The following MGMT variants were observed in gnomAD, a reference collection of about 807,000 sequenced individuals.
MGMT encodes the protein methylated-DNA--protein-cysteine methyltransferase.
MGMT carries 14 observed loss-of-function variants against 15.9 expected under a neutral mutation model. The observed-to-expected ratio is 0.88, with a 90% CI of 0.58 to 1.37. The LOEUF is 1.37. MGMT is among the 40% of genes most tolerant of loss of function. The pLI is 0.00. For synonymous variants in MGMT, 130 were observed against 118.2 expected (o/e 1.10, Z -0.65); for missense variants, 282 against 268.1 (o/e 1.05, Z -0.36).
chr10:129,743,851 C>T (rs1848665227), intron 3 of MGMT, among the ~76,000 whole-genome samples: 1 of 152,238 alleles, frequency 6.6e-6, no homozygotes, highest in South Asian at 2.1e-4. Context: ...AGATGGTCAT[C>T]CTAATGGCGG....
At chr10:129,727,918 A>G (rs12220901) in intron 3 of MGMT, among the ~76,000 whole-genome samples, 82,928 of 152,032 alleles carry the variant, frequency 0.55, 22,958 homozygotes, top group Middle Eastern at 0.72. Flanking sequence ...GAAACAACAT[A>G]GACTGAGGCT....
intron 3 of MGMT, among the ~76,000 whole-genome samples, chr10:129,720,095 A>C (rs942162290): frequency 1.3e-5 from 2 of 152,206 alleles, no homozygotes; most frequent in Non-Finnish European, 2.9e-5. Flanking sequence ...TACGAGTTAC[A>C]GGAAGTGTGG....
rs1224498618 is a variant in MGMT at position 129,532,992 on chromosome 10, C to G, written c.-12-3249C>G. ...GACACTGGCACATGTTGGCAGGCGTCAGCACCAGGGCTGGGCTCCTGCCTG... is the reference window on the plus strand; with the variant it reads ...GACACTGGCACATGTTGGCAGGCGTGAGCACCAGGGCTGGGCTCCTGCCTG... On this transcript the variant is annotated intron_variant, in intron 1 of 4. Transcript: ENST00000651593. The surrounding 1 kb of genome is among the most constrained non-coding windows in gnomAD (Gnocchi z 5.3). Among the ~76,000 whole-genome samples the G allele has an allele frequency of 6.6e-6, 1 of 152,236 alleles. No individual in the cohort carries two copies. Among genetic ancestry groups the G allele is most frequent in the African/African-American group, 2.4e-5 (1 of 41,466 alleles).
intron 1 of MGMT, among the ~76,000 whole-genome samples, chr10:129,484,937 A>G (rs1198716284): frequency 1.3e-5 from 2 of 151,802 alleles, no homozygotes; most frequent in East Asian, 3.9e-4. Flanking sequence ...TATTATATAT[A>G]TGTATGTGTG....
chr10:129,518,376 T>A (rs1371631668), intron 1 of MGMT, among the ~76,000 whole-genome samples: 1 of 106,998 alleles, frequency 9.3e-6, no homozygotes, highest in East Asian at 3.5e-4. Flanking sequence ...ACACACACAT[T>A]TGGCCCTTGG....
intron 2 of MGMT, among the ~76,000 whole-genome samples, chr10:129,687,237 T>TA (rs59179668): frequency 0.57 from 86,770 of 151,892 alleles, 26,138 homozygotes; most frequent in African/African-American, 0.76. Flanking sequence ...GATGAACTTT[T>TA]ATTTCATTTT....
At chr10:129,584,978 C>G (rs1327825802) in intron 2 of MGMT, among the ~76,000 whole-genome samples, 1 of 152,188 alleles carries the variant, frequency 6.6e-6, no homozygotes, top group Non-Finnish European at 1.5e-5. Flanking sequence ...TATATACACA[C>G]ACACACACGT....
intron 2 of MGMT, among the ~76,000 whole-genome samples, chr10:129,608,096 A>C (rs1289035038): frequency 6.6e-6 from 1 of 152,256 alleles, no homozygotes; most frequent in Non-Finnish European, 1.5e-5. Context: ...TTGTATCAGC[A>C]TCCAAAACGA....
chr10:129,685,231 C>T (rs1329556407), intron 2 of MGMT, among the ~76,000 whole-genome samples: 1 of 152,214 alleles, frequency 6.6e-6, no homozygotes, highest in African/African-American at 2.4e-5. Flanking sequence ...AACACTTTCG[C>T]AGCTTTAATG....
chr10:129,708,167 A>G, intron 3 of MGMT, 124 bp downstream of exon 3: 2 of 1,345,178 alleles, frequency 1.5e-6, no homozygotes, highest in Non-Finnish European at 2.0e-6. Context: ...AAACAGAGGC[A>G]GCGTTTGGCC....
At chr10:129,562,025 A>T (rs1301887679) in intron 2 of MGMT, among the ~76,000 whole-genome samples, 1 of 152,218 alleles carries the variant, frequency 6.6e-6, no homozygotes, top group Admixed American at 6.5e-5. Flanking sequence ...ACAGCTTAGC[A>T]TGCAGATAAA....
chr10:129,498,111 G>A (rs1845541246), intron 1 of MGMT, among the ~76,000 whole-genome samples: 1 of 152,204 alleles, frequency 6.6e-6, no homozygotes, highest in South Asian at 2.1e-4. Context: ...GTTTGGGTTT[G>A]CTGATGTTGT....
chr10:129,766,767 G>T (rs371626051), intron 4 of MGMT, 21 bp from the exon 5 acceptor site: 1 of 1,604,754 alleles, frequency 6.2e-7, no homozygotes. Context: ...GACTGACAGT[G>T]GCTGCCCCCC....
At chr10:129,517,501 A>G (rs1845751615) in intron 1 of MGMT, among the ~76,000 whole-genome samples, 1 of 152,092 alleles carries the variant, frequency 6.6e-6, no homozygotes, top group African/African-American at 2.4e-5. Flanking sequence ...ACCTCGGTTT[A>G]CCTTTTGGCT....
intron 3 of MGMT, among the ~76,000 whole-genome samples, chr10:129,754,699 C>A (rs1485631926): frequency 6.6e-6 from 1 of 152,216 alleles, no homozygotes; most frequent in African/African-American, 2.4e-5. Context: ...TGAGGGCCAC[C>A]CCGTGGTGGA....
At chr10:129,704,270 T>C (rs181831986) in intron 2 of MGMT, among the ~76,000 whole-genome samples, 104 of 152,220 alleles carry the variant, frequency 6.8e-4, no homozygotes, top group African/African-American at 2.4e-3. Flanking sequence ...AGCACTCCCA[T>C]GCCCTAAGGA....
intron 2 of MGMT, among the ~76,000 whole-genome samples, chr10:129,677,697 C>G (rs1332564244): frequency 6.6e-6 from 1 of 152,248 alleles, no homozygotes; most frequent in African/African-American, 2.4e-5. Flanking sequence ...CAGCGAAGTG[C>G]TCTGTCTGCT....
chr10:129,671,457 G>A (rs192417024), intron 2 of MGMT, among the ~76,000 whole-genome samples: 30 of 151,804 alleles, frequency 2.0e-4, no homozygotes, highest in Non-Finnish European at 1.5e-5. Flanking sequence ...ATAAGTATTT[G>A]TCAACACAGC....
chr10:129,560,989 G>GTGTGTGTGCA (rs1554911325), intron 2 of MGMT, among the ~76,000 whole-genome samples: 3 of 149,792 alleles, frequency 2.0e-5, no homozygotes, highest in Non-Finnish European at 4.4e-5. Flanking sequence ...GTGTGTGTGT[G>GTGTGTGTGCA]TGTGTGTGTT....
Sources: gnomAD v4.1 joint callset for allele counts (sites outside exome capture counted in the v4.1 genomes callset) on GRCh38, gnomAD v4.1.1 for gene constraint, Gnocchi (gnomAD v3.1) non-coding constraint, MANE v1.5 for transcripts, NCBI Gene and HGNC (gene_info 2026-07-23, HGNC 2026-07-21) for gene names.